The following UCHL5 variants were observed in gnomAD, a reference collection of about 807,000 sequenced individuals.
UCHL5 encodes the protein ubiquitin C-terminal hydrolase L5, also known as ubiquitin carboxyl-terminal hydrolase isozyme L5.
A neutral mutation model predicts 53.8 loss-of-function variants in UCHL5; 34 were observed. That is an observed-to-expected ratio of 0.63 (90% CI 0.48 to 0.84). The LOEUF (loss-of-function observed/expected upper bound fraction) is 0.84, where lower values mean the gene tolerates loss of function less well. UCHL5 is among the 40% of genes least tolerant of loss of function. The pLI is 0.00. For missense variants in UCHL5, 290 were observed against 385.6 expected, an observed-to-expected ratio of 0.75 and a Z score of 2.08; for synonymous variants, 111 against 126.3, an observed-to-expected ratio of 0.88 and a Z score of 0.81.
At chr1:193,051,939 G>A (rs1036284414) in intron 1 of UCHL5, 122 bp from the exon 2 acceptor site, 1 of 640,792 alleles carries the variant, frequency 1.6e-6, no homozygotes, top group African/African-American at 1.9e-5. Context: ...AACTAATAAA[G>A]CTCACAGCCA....
chr1:193,022,300 A>T (rs1657348266), intron 9 of UCHL5, among the ~76,000 whole-genome samples: 1 of 152,194 alleles, frequency 6.6e-6, no homozygotes, highest in African/African-American at 2.4e-5. Context: ...CTTTACTGAC[A>T]CTGTGGGGAG....
chr1:193,023,676 T>C (rs1235221552), intron 8 of UCHL5, among the ~76,000 whole-genome samples, 168 bp downstream of exon 8: 2 of 152,206 alleles, frequency 1.3e-5, no homozygotes, highest in African/African-American at 2.4e-5. Flanking sequence ...CTCAGATTCC[T>C]ATATCCACTA....
rs1206976341 is a variant in UCHL5, at chr1:193,012,751, T to C, written c.*3600A>G. ...TATTTGAAAAGTTGTATTACATACT[T>C]ATTATCTGTCTCACCATGAGAGCAG... On this transcript the variant is annotated 3_prime_UTR_variant, in exon 11 of 11. Transcript: ENST00000367454. 1 of 152,212 alleles carries C rather than the reference T, an allele frequency of 6.6e-6. No homozygotes were observed. The highest frequency in any genetic ancestry group is 1.9e-4 in the East Asian group (1 of 5,198). 9.4% of individuals were successfully genotyped at this position (152,212 alleles called of 1,614,324 possible).
At chr1:193,020,328 T>TA in intron 10 of UCHL5, 1 of 1,547,150 alleles carries the variant, frequency 6.5e-7, no homozygotes, top group Non-Finnish European at 8.7e-7. Context: ...GTCTTTAAGT[T>TA]AATGGTCCAA....
intron 3 of UCHL5, among the ~76,000 whole-genome samples, chr1:193,038,067 A>C (rs1571724237): frequency 6.6e-6 from 1 of 152,054 alleles, no homozygotes. Flanking sequence ...TATGACAAAA[A>C]CCCTCAATAC....
At chr1:193,026,862 T>C (rs889058747) in intron 7 of UCHL5, among the ~76,000 whole-genome samples, 8 of 152,162 alleles carry the variant, frequency 5.3e-5, no homozygotes, top group Admixed American at 3.9e-4. Context: ...TGTCCTTCAA[T>C]GGATGAAGAG....
At chr1:193,032,799 G>A (rs1661949730) in intron 3 of UCHL5, among the ~76,000 whole-genome samples, 1 of 152,228 alleles carries the variant, frequency 6.6e-6, no homozygotes, top group Admixed American at 6.5e-5. Context: ...CTGGTCATTA[G>A]TGAAATGCAA....
At chr1:193,024,694 A>C (rs1364559259) in intron 7 of UCHL5, among the ~76,000 whole-genome samples, 1 of 151,458 alleles carries the variant, frequency 6.6e-6, no homozygotes, top group Non-Finnish European at 1.5e-5. Flanking sequence ...ATCTCATAAC[A>C]AGCTGGTTCA....
At chr1:193,044,077 C>T (rs1387457690) in intron 3 of UCHL5, among the ~76,000 whole-genome samples, 1 of 152,136 alleles carries the variant, frequency 6.6e-6, no homozygotes, top group East Asian at 1.9e-4. Context: ...TGAAGGTGGT[C>T]TTGGTCGAAC....
rs1261349823 is a variant in UCHL5 at position 193,015,105 on chromosome 1, A to C, written c.*1246T>G. 6.6e-6 allele frequency: 1 copy of C among 152,104 alleles called. No individual in the cohort carries two copies. The highest frequency in any genetic ancestry group is 1.5e-5 in the Non-Finnish European group (1 of 67,960). The allele number at this position is 152,104 out of a possible 1,614,324, so 9.4% of individuals were successfully genotyped here. A position where few individuals can be genotyped will look rare whatever the true frequency, so the allele number is the denominator to read the frequency against. ...TGAAATTATGTATGAAAAATATTTC[A>C]TTCGTTTTTCTATCAATTTCCTATC... is the stretch of plus-strand genomic sequence containing the variant. On this transcript the variant is annotated 3_prime_UTR_variant, in exon 11 of 11. Coordinates refer to ENST00000367454, the MANE Select transcript of UCHL5 (RefSeq NM_001199261.3).
At chr1:193,060,015 T>C, upstream of UCHL5, 1 of 1,358,638 alleles carries the variant, frequency 7.4e-7, no homozygotes, top group South Asian at 1.1e-5. Context: ...GGGTGGGCCC[T>C]TTCCGAAGCC....
At chr1:193,052,884 TG>T (rs1424758354) in intron 1 of UCHL5, among the ~76,000 whole-genome samples, 1 of 152,174 alleles carries the variant, frequency 6.6e-6, no homozygotes, top group Non-Finnish European at 1.5e-5. Flanking sequence ...TTTCAAAGTC[TG>T]GGCGCTTTCT....
intron 3 of UCHL5, among the ~76,000 whole-genome samples, chr1:193,034,466 G>A (rs574112363): frequency 5.9e-5 from 9 of 151,932 alleles, no homozygotes; most frequent in Middle Eastern, 3.4e-3. Context: ...AAATATTCTC[G>A]CAAAGAAAAT....
chr1:193,020,166 T>A, intron 10 of UCHL5: 1 of 1,306,234 alleles, frequency 7.7e-7, no homozygotes, highest in Non-Finnish European at 9.8e-7. Context: ...TTGGGTCACA[T>A]GTTTCAATCA....
In UCHL5 at chr1:193,034,229, T is replaced by G. The variant is rs1418461060; in HGVS notation, c.247-4572A>C. On this transcript the variant is annotated intron_variant, in intron 3 of 10. Coordinates refer to ENST00000367454, the MANE Select transcript of UCHL5 (RefSeq NM_001199261.3). ...AGGTTAATATAATACATAAAACCACTATCACACAAACATGCAAGTGAGAAA... is the reference window on the plus strand; with the variant it reads ...AGGTTAATATAATACATAAAACCACGATCACACAAACATGCAAGTGAGAAA... Among the ~76,000 whole-genome samples, 3 of 152,014 alleles carry G rather than the reference T, an allele frequency of 2.0e-5. 1 individual carries two copies. The highest frequency in any genetic ancestry group is 7.2e-5 in the African/African-American group (3 of 41,396).
chr1:193,041,696 T>A (rs1192013141), intron 3 of UCHL5, among the ~76,000 whole-genome samples: 1 of 152,134 alleles, frequency 6.6e-6, no homozygotes, highest in Non-Finnish European at 1.5e-5. Flanking sequence ...TAACTCAAAT[T>A]GAAAACCCAA....
intron 3 of UCHL5, among the ~76,000 whole-genome samples, chr1:193,045,538 G>A (rs888388020): frequency 2.0e-5 from 3 of 152,212 alleles, no homozygotes; most frequent in African/African-American, 7.2e-5. Context: ...ACCACCATGA[G>A]TAAAAGCTTC....
At chr1:193,043,451 G>A (rs1666368209) in intron 3 of UCHL5, among the ~76,000 whole-genome samples, 1 of 152,154 alleles carries the variant, frequency 6.6e-6, no homozygotes. Flanking sequence ...CTTACTCAGA[G>A]AGGCTTTCTC....
In UCHL5 at chr1:193,029,587, T is replaced by C. The variant is rs756784986; in HGVS notation, c.317A>G (p.His106Arg). The change falls in exon 4 of 11, where the codon CAT becomes CGT. Residue 106 changes from histidine to arginine, a missense_variant. Transcript: ENST00000367454. ...AAACTCTGATAATGTCTCGCCTAAA[T>C]GGACATCCTGGTGGGTACAGTTCAG... ...VLLNCTHQDV[H>R]LGETLSEFKE... is the part of the protein sequence containing the mutation. 26 of 1,613,450 alleles carry C rather than the reference T, an allele frequency of 1.6e-5. No individual in the cohort carries two copies. Among genetic ancestry groups the C allele is most frequent in the Non-Finnish European group, 2.2e-5 (26 of 1,179,722 alleles).
Sources: allele counts gnomAD v4.1 joint callset (sites outside exome capture counted in the v4.1 genomes callset), GRCh38; gene constraint gnomAD v4.1.1; transcripts MANE v1.5; gene names NCBI Gene and HGNC (gene_info 2026-07-23, HGNC 2026-07-21).